The following ATP9B variants were observed in gnomAD, a reference collection of about 807,000 sequenced individuals.
ATP9B encodes probable phospholipid-transporting ATPase IIB.
ATP9B carries 110 observed loss-of-function variants against 146.1 expected under a neutral mutation model. The observed-to-expected ratio is 0.75, with a 90% confidence interval of 0.65 to 0.88. The LOEUF (loss-of-function observed/expected upper bound fraction) is 0.88. Ranked by LOEUF, ATP9B falls within the 40% of genes least tolerant of loss-of-function variation. The pLI is 0.00. For synonymous variants in ATP9B, 604 were observed against 569.7 expected (o/e 1.06, Z -0.86); for missense variants, 1,499 against 1,496.4 (o/e 1.00, Z -0.03).
intron 2 of ATP9B, among the ~76,000 whole-genome samples, chr18:79,100,522 C>T (rs2075188844): frequency 6.6e-6 from 1 of 152,096 alleles, no homozygotes; most frequent in African/African-American, 2.4e-5. Context: ...TGTCTAATTT[C>T]AATAAAACTA....
chr18:79,178,088 C>A (rs2095202097), intron 8 of ATP9B, among the ~76,000 whole-genome samples: 2 of 152,116 alleles, frequency 1.3e-5, no homozygotes, highest in Admixed American at 6.5e-5. Context: ...GTCAACCAGG[C>A]AGCTATTAAA....
At chr18:79,072,027 A>G (rs1462506557) in intron 1 of ATP9B, among the ~76,000 whole-genome samples, 1 of 151,798 alleles carries the variant, frequency 6.6e-6, no homozygotes, top group Non-Finnish European at 1.5e-5. Context: ...CAGTGTTAAG[A>G]AAGTTGGATC....
intron 15 of ATP9B, among the ~76,000 whole-genome samples, chr18:79,308,751 G>T (rs199686632): frequency 1.9e-5 from 2 of 104,432 alleles, no homozygotes. Context: ...AGGGGCTGAG[G>T]AGTGATCCCC....
At chr18:79,317,742 G>A (rs2096689489) in intron 15 of ATP9B, among the ~76,000 whole-genome samples, 1 of 152,210 alleles carries the variant, frequency 6.6e-6, no homozygotes, top group Admixed American at 6.5e-5. Flanking sequence ...CCAAAGAGCA[G>A]TAAAAGAGCA....
intron 8 of ATP9B, among the ~76,000 whole-genome samples, chr18:79,181,457 C>G (rs2095251164): frequency 2.6e-5 from 4 of 152,110 alleles, no homozygotes; most frequent in Admixed American, 2.6e-4. Context: ...ACATGACCAA[C>G]AGAATTAGTC....
chr18:79,356,663 A>G (rs1399027778), intron 25 of ATP9B, among the ~76,000 whole-genome samples: 1 of 152,250 alleles, frequency 6.6e-6, no homozygotes, highest in African/African-American at 2.4e-5. Flanking sequence ...TTTGCATAGC[A>G]TTCCATTTGC....
chr18:79,250,901 G>A (rs1160958210), intron 11 of ATP9B, among the ~76,000 whole-genome samples: 3 of 152,214 alleles, frequency 2.0e-5, no homozygotes, highest in South Asian at 2.1e-4. Flanking sequence ...TGCTGTGGAC[G>A]TTTTACTTGG....
In ATP9B at chr18:79,277,272, T is replaced by C. The variant is rs1266522122; in HGVS notation, c.1411+76T>C. On this transcript the variant is annotated intron_variant, in intron 13 of 29. Coordinates refer to ENST00000426216, the MANE Select transcript of ATP9B (RefSeq NM_198531.5). ...TAAAAAATAGCATAGCGTATAGATA[T>C]ATGTTTATGTGTATGTATATATGTG... 2.5e-5 allele frequency: 38 copies of C among 1,541,146 alleles called. No homozygotes were observed. In the South Asian group the frequency reaches 3.4e-4, roughly 14 times the overall value.
rs984878036 is a variant in ATP9B, at chr18:79,231,402, C to T, written c.1107+17364C>T. Among the ~76,000 whole-genome samples, 8 of 152,120 alleles carry T rather than the reference C, an allele frequency of 5.3e-5. No homozygotes were observed. The East Asian group carries it at 9.6e-4, about 18-fold the overall frequency. On this transcript the variant is annotated intron_variant, in intron 11 of 29. Transcript: ENST00000426216. ...AACAAATATATGAAAAAATGTGCAA[C>T]ATCACGAATTATCAGGGAAATGCAA...
At chr18:79,096,245 C>T (rs1599503443) in intron 1 of ATP9B, among the ~76,000 whole-genome samples, 1 of 152,146 alleles carries the variant, frequency 6.6e-6, no homozygotes, top group East Asian at 1.9e-4. Flanking sequence ...CAGGATTATG[C>T]TCACAGCACG....
intron 5 of ATP9B, among the ~76,000 whole-genome samples, chr18:79,133,535 A>T (rs979020972): frequency 4.7e-5 from 7 of 149,520 alleles, no homozygotes; most frequent in South Asian, 2.1e-4. Flanking sequence ...ACACACACAC[A>T]CTCACTCTCA....
intron 8 of ATP9B, 127 bp downstream of exon 8, chr18:79,177,034 C>A: frequency 1.3e-6 from 1 of 758,166 alleles, no homozygotes. Flanking sequence ...TTTCTTTATT[C>A]CTCATGAAGG....
chr18:79,182,782 T>G (rs892031969), intron 8 of ATP9B, among the ~76,000 whole-genome samples: 2 of 152,212 alleles, frequency 1.3e-5, no homozygotes, highest in African/African-American at 4.8e-5. Flanking sequence ...AGTTATTTGT[T>G]TATTGAGAAT....
chr18:79,125,919 TG>T (rs771835952), intron 4 of ATP9B, among the ~76,000 whole-genome samples: 1 of 152,216 alleles, frequency 6.6e-6, no homozygotes, highest in Non-Finnish European at 1.5e-5. Context: ...TGTCAGTCAT[TG>T]TAAATTTTGT....
chr18:79,170,106 A>G (rs1406950266), intron 7 of ATP9B, among the ~76,000 whole-genome samples: 4 of 152,190 alleles, frequency 2.6e-5, no homozygotes, highest in African/African-American at 9.7e-5. Flanking sequence ...GGGAAAGGCC[A>G]GGAGCTCTGT....
At chr18:79,207,040 G>C in intron 10 of ATP9B, 28 bp downstream of exon 10, 1 of 1,593,978 alleles carries the variant, frequency 6.3e-7, no homozygotes, top group Non-Finnish European at 8.6e-7. Flanking sequence ...CTCTGAGTGT[G>C]ATTGCTCCCG....
In ATP9B at chr18:79,113,216, G is replaced by T. The variant is rs756365788; in HGVS notation, c.445-25G>T. On this transcript the variant is annotated intron_variant, in intron 3 of 29. Coordinates refer to ENST00000426216, the MANE Select transcript of ATP9B (RefSeq NM_198531.5). ...AAAATTTTTTCCTTGAAGGAATTTT[G>T]TTAATTTTCTCTTTTCCTTTTTAGG... The T allele has an allele frequency of 2.9e-6, 4 of 1,391,084 alleles. No homozygotes were observed. The South Asian group carries it at 3.7e-5, about 13-fold the overall frequency. The allele number at this position is 1,391,084 out of a possible 1,614,324, so 86.2% of individuals were successfully genotyped here.
intron 2 of ATP9B, among the ~76,000 whole-genome samples, chr18:79,100,496 A>G (rs1233840157): frequency 6.6e-6 from 1 of 152,176 alleles, no homozygotes; most frequent in Non-Finnish European, 1.5e-5. Context: ...ATCTTTAAAT[A>G]TACTTTGTGA....
chr18:79,327,347 C>T (rs1160833903), intron 15 of ATP9B, among the ~76,000 whole-genome samples: 2 of 152,180 alleles, frequency 1.3e-5, no homozygotes, highest in African/African-American at 4.8e-5. Flanking sequence ...TGGCGGCAGG[C>T]CTGCAGAACA....
Sources: gnomAD v4.1 joint callset for allele counts (sites outside exome capture counted in the v4.1 genomes callset) on GRCh38, gnomAD v4.1.1 for gene constraint, MANE v1.5 for transcripts, NCBI Gene and HGNC (gene_info 2026-07-23, HGNC 2026-07-21) for gene names.